LRP1B: variants seen among roughly 807,000 people sequenced by gnomAD.
The protein encoded by LRP1B is LDL receptor related protein 1B.
LRP1B carries 217 observed loss-of-function variants against 556.6 expected under a neutral mutation model. The ratio of observed to expected loss-of-function variants is 0.39; its 90% confidence interval spans 0.35 to 0.44. LRP1B has a LOEUF of 0.44. LRP1B is among the 20% of genes least tolerant of loss of function. The pLI, the probability that LRP1B is intolerant of heterozygous loss-of-function variation, is 1.00. For missense variants in LRP1B, 5,053 were observed against 5,620.8 expected, an observed-to-expected ratio of 0.90 and a Z score of 3.23; for synonymous variants, 2,047 against 1,865.8, an observed-to-expected ratio of 1.10 and a Z score of -2.50.
At chr2:141,218,048 C>G (rs992558127) in intron 6 of LRP1B, among the ~76,000 whole-genome samples, 1 of 151,904 alleles carries the variant, frequency 6.6e-6, no homozygotes, top group Non-Finnish European at 1.5e-5. Context: ...TCAAACCAAT[C>G]AGAATGGCTA....
chr2:140,477,879 A>C (rs1054067949), intron 59 of LRP1B, among the ~76,000 whole-genome samples: 5 of 152,048 alleles, frequency 3.3e-5, no homozygotes, highest in African/African-American at 1.2e-4. Flanking sequence ...ATTACTCCCC[A>C]CTTATGAATT....
intron 41 of LRP1B, among the ~76,000 whole-genome samples, chr2:140,680,082 A>C (rs1168648278): frequency 1.3e-5 from 2 of 152,096 alleles, no homozygotes; most frequent in Admixed American, 6.5e-5. Flanking sequence ...CGTCTGATCC[A>C]ATAATAAAAT....
chr2:140,353,609 C>G (rs1042253723), intron 75 of LRP1B, among the ~76,000 whole-genome samples: 1 of 152,028 alleles, frequency 6.6e-6, no homozygotes, highest in African/African-American at 2.4e-5. Context: ...TTTCAAGATC[C>G]ACCTGAAATA....
chr2:141,725,308 C>A (rs1045957679), intron 2 of LRP1B, among the ~76,000 whole-genome samples: 71 of 151,964 alleles, frequency 4.7e-4, no homozygotes, highest in African/African-American at 1.7e-3. Context: ...AACTCGACTT[C>A]TTCAAATTTG....
chr2:140,475,746 G>T (rs568193341), intron 59 of LRP1B, among the ~76,000 whole-genome samples: 1 of 151,546 alleles, frequency 6.6e-6, no homozygotes, highest in Admixed American at 6.6e-5. Context: ...AATTATGGAG[G>T]TGCACATTTT....
At chr2:141,482,403 G>A (rs1357112729) in intron 2 of LRP1B, among the ~76,000 whole-genome samples, 2 of 152,002 alleles carry the variant, frequency 1.3e-5, no homozygotes, top group Non-Finnish European at 2.9e-5. Flanking sequence ...GCTATTAAAT[G>A]TCAAACACCT....
intron 34 of LRP1B, 109 bp from the exon 35 acceptor site, chr2:140,769,453 A>G (rs778606550): frequency 2.1e-4 from 237 of 1,145,032 alleles, no homozygotes; most frequent in Non-Finnish European, 2.6e-4. Context: ...TATGTTAACA[A>G]ATGTATTTCC....
chr2:140,776,388 T>A, intron 32 of LRP1B, 150 bp from the exon 33 acceptor site: 1 of 479,774 alleles, frequency 2.1e-6, no homozygotes, highest in Non-Finnish European at 3.3e-6. Context: ...CTGTCACATT[T>A]AAAAATGCAG....
intron 58 of LRP1B, among the ~76,000 whole-genome samples, chr2:140,486,866 C>A (rs1000855676): frequency 2.0e-5 from 3 of 151,816 alleles, no homozygotes; most frequent in Non-Finnish European, 4.4e-5. Flanking sequence ...ATTGTACATG[C>A]ACACTTTAAG....
intron 33 of LRP1B, among the ~76,000 whole-genome samples, chr2:140,771,650 T>C (rs1689316521): frequency 6.6e-6 from 1 of 152,174 alleles, no homozygotes; most frequent in Non-Finnish European, 1.5e-5. Context: ...CAGATAGGCA[T>C]TCTAGAATCC....
At chr2:140,820,800 G>A (rs1040156251) in intron 31 of LRP1B, among the ~76,000 whole-genome samples, 17 of 151,148 alleles carry the variant, frequency 1.1e-4, no homozygotes, top group Non-Finnish European at 5.9e-5. Context: ...GATTTGCTAC[G>A]CATATAGAAA....
At chr2:141,139,924 GA>G (rs921202742) in intron 7 of LRP1B, among the ~76,000 whole-genome samples, 6 of 151,244 alleles carry the variant, frequency 4.0e-5, no homozygotes, top group Non-Finnish European at 5.9e-5. Context: ...TATTATAATA[GA>G]AAAAAACTTG....
At chr2:141,426,755 G>A (rs567643201) in intron 3 of LRP1B, among the ~76,000 whole-genome samples, 1 of 152,258 alleles carries the variant, frequency 6.6e-6, no homozygotes, top group South Asian at 2.1e-4. Flanking sequence ...TTTTTAGGCT[G>A]TATTTCCCAG....
intron 2 of LRP1B, among the ~76,000 whole-genome samples, chr2:141,799,332 G>A (rs1265436287): frequency 6.6e-6 from 1 of 152,182 alleles, no homozygotes; most frequent in Non-Finnish European, 1.5e-5. Flanking sequence ...AAGACAGAGT[G>A]TTTTCCCCAT....
At chr2:142,017,661 G>A (rs1263981562) in intron 1 of LRP1B, among the ~76,000 whole-genome samples, 3 of 152,060 alleles carry the variant, frequency 2.0e-5, no homozygotes, top group East Asian at 1.9e-4. Flanking sequence ...GATCACTTGT[G>A]CCCAAGAGTT....
Position 140,761,999 on chromosome 2 carries a change from T to C in LRP1B, c.5758+7214A>G, listed in dbSNP as rs531860553. The stretch of plus-strand genomic sequence containing the variant: ...ATGATGATGATGATGATGATGATGA[T>C]GATGATGCCTTCCCTAACTATCTGA... On this transcript the variant is annotated intron_variant, in intron 35 of 90. Coordinates refer to ENST00000389484, the MANE Select transcript of LRP1B (RefSeq NM_018557.3). 7.9e-5 allele frequency among the ~76,000 whole-genome samples: 12 copies of C among 152,196 alleles called. No individual in the cohort carries two copies. In the East Asian group the frequency reaches 2.3e-3, roughly 29 times the overall value.
At chr2:140,690,021 T>A (rs1187737034) in intron 41 of LRP1B, among the ~76,000 whole-genome samples, 1 of 151,962 alleles carries the variant, frequency 6.6e-6, no homozygotes, top group Non-Finnish European at 1.5e-5. Context: ...TGACATAGGA[T>A]TATTCTGAGT....
intron 66 of LRP1B, among the ~76,000 whole-genome samples, chr2:140,415,570 T>C (rs1685157179): frequency 6.6e-6 from 1 of 152,108 alleles, no homozygotes; most frequent in South Asian, 2.1e-4. Context: ...TTATGGAAAA[T>C]AGAACCTACA....
chr2:140,668,108 C>T (rs1456871401), intron 41 of LRP1B, among the ~76,000 whole-genome samples: 4 of 151,910 alleles, frequency 2.6e-5, no homozygotes, highest in Non-Finnish European at 4.4e-5. Flanking sequence ...GTCAGGAGAT[C>T]GAGACCACCC....
Sources: allele counts gnomAD v4.1 joint callset (sites outside exome capture counted in the v4.1 genomes callset), GRCh38; gene constraint gnomAD v4.1.1; transcripts MANE v1.5; gene names NCBI Gene and HGNC (gene_info 2026-07-23, HGNC 2026-07-21).